The following ATP2C2 variants were observed in gnomAD, a reference collection of about 807,000 sequenced individuals.
ATP2C2 encodes the protein ATPase secretory pathway Ca2+ transporting 2, also known as calcium-transporting ATPase type 2C member 2.
ATP2C2 carries 171 observed loss-of-function variants against 110.8 expected under a neutral mutation model. The ratio of observed to expected loss-of-function variants is 1.54; its 90% CI spans 1.36 to 1.75. The LOEUF is 1.75. Among genes scored for constraint, ATP2C2 ranks in the 40% most tolerant of loss-of-function variants. The pLI, the probability that ATP2C2 is intolerant of heterozygous loss-of-function variation, is 0.00. For synonymous variants in ATP2C2, 804 were observed against 508.4 expected, an observed-to-expected ratio of 1.58 and a Z score of -7.82; for missense variants, 1,963 against 1,235.0, an observed-to-expected ratio of 1.59 and a Z score of -8.84.
chr16:84,433,822 A>G (rs1184100468), intron 11 of ATP2C2, among the ~76,000 whole-genome samples: 1 of 152,150 alleles, frequency 6.6e-6, no homozygotes, highest in Non-Finnish European at 1.5e-5. Context: ...TTCTGTGCTC[A>G]AGCCCCAAAT....
chr16:84,451,426 G>C (rs1335054747), intron 17 of ATP2C2, among the ~76,000 whole-genome samples: 1 of 152,220 alleles, frequency 6.6e-6, no homozygotes, highest in East Asian at 1.9e-4. Flanking sequence ...TTCTCCATCT[G>C]TTGTGCACCT....
At chr16:84,431,176 G>C (rs1018005658) in intron 11 of ATP2C2, among the ~76,000 whole-genome samples, 11 of 152,140 alleles carry the variant, frequency 7.2e-5, no homozygotes, top group African/African-American at 2.2e-4. Context: ...TGCTACAAAG[G>C]AATAACTGCC....
chr16:84,461,690 C>G, intron 24 of ATP2C2, 24 bp from the exon 25 acceptor site: 3 of 1,605,786 alleles, frequency 1.9e-6, no homozygotes, highest in African/African-American at 1.3e-5. Context: ...CGCCTAACCT[C>G]TCACCTTTGT....
intron 10 of ATP2C2, among the ~76,000 whole-genome samples, chr16:84,424,576 CTTT>C (rs371614449): frequency 5.6e-4 from 64 of 114,878 alleles, no homozygotes; most frequent in Non-Finnish European, 6.4e-4. Flanking sequence ...CCGCACTGGG[CTTT>C]TTTTTTTTTT....
At chr16:84,402,431 C>T (rs1468950423) in intron 2 of ATP2C2, among the ~76,000 whole-genome samples, 1 of 152,178 alleles carries the variant, frequency 6.6e-6, no homozygotes, top group East Asian at 1.9e-4. Context: ...ATGACACTAG[C>T]CCTGGGTCTG....
intron 7 of ATP2C2, among the ~76,000 whole-genome samples, chr16:84,419,163 G>A (rs1199563422): frequency 7.6e-6 from 1 of 131,500 alleles, no homozygotes; most frequent in African/African-American, 2.9e-5. Context: ...AGCCGAGATT[G>A]CACCACTGCA....
chr16:84,419,857 G>A (rs567260694), intron 7 of ATP2C2, among the ~76,000 whole-genome samples: 1 of 152,276 alleles, frequency 6.6e-6, no homozygotes, highest in South Asian at 2.1e-4. Context: ...ACTGCTAAGG[G>A]ACCCATGAGT....
intron 11 of ATP2C2, among the ~76,000 whole-genome samples, chr16:84,436,118 G>A (rs769106363): frequency 6.6e-6 from 1 of 152,220 alleles, no homozygotes; most frequent in African/African-American, 2.4e-5. Flanking sequence ...GACAGAGTGA[G>A]ACTCCATCTC....
chr16:84,368,819 C>T, intron 1 of ATP2C2, 105 bp downstream of exon 1: 1 of 946,142 alleles, frequency 1.1e-6, no homozygotes, highest in Non-Finnish European at 1.6e-6. Flanking sequence ...GATCCGCGAA[C>T]TCGCCCTCCT....
chr16:84,417,248 T>C (rs572384744), intron 7 of ATP2C2, among the ~76,000 whole-genome samples: 1 of 152,042 alleles, frequency 6.6e-6, no homozygotes, highest in Non-Finnish European at 1.5e-5. Context: ...GAGGCAGGTG[T>C]GGGGGCTGCC....
At chr16:84,402,220 G>C (rs186412352) in intron 2 of ATP2C2, among the ~76,000 whole-genome samples, 1 of 152,158 alleles carries the variant, frequency 6.6e-6, no homozygotes, top group African/African-American at 2.4e-5. Context: ...ATAGCTTTAG[G>C]TGGAGTCTTT....
chr16:84,459,404 G>C lies in ATP2C2; in HGVS notation c.2333+18G>C, dbSNP rs764900832. On this transcript the variant is annotated intron_variant, in intron 23 of 26. Transcript: ENST00000262429. ...GCGCAGAGGTGAGGCAGGGCCGGCT[G>C]GGAGCCCTGTGTCTCTTTACCCACC... The C allele has an allele frequency of 1.9e-6, 3 of 1,612,000 alleles. No homozygotes were observed. The highest frequency in any genetic ancestry group is 1.7e-6 in the Non-Finnish European group (2 of 1,178,142).
At chr16:84,388,070 G>A (rs778193604) in intron 1 of ATP2C2, among the ~76,000 whole-genome samples, 6 of 152,162 alleles carry the variant, frequency 3.9e-5, no homozygotes, top group Non-Finnish European at 7.3e-5. Flanking sequence ...AGTGGCTCAC[G>A]CCTGTCATCC....
intron 4 of ATP2C2, among the ~76,000 whole-genome samples, chr16:84,408,740 C>T (rs901379913): frequency 1.3e-5 from 2 of 152,076 alleles, no homozygotes; most frequent in African/African-American, 4.8e-5. Context: ...AGCAGTGTTG[C>T]AGGGAATTCC....
chr16:84,442,953 G>T (rs1909407954), intron 15 of ATP2C2, among the ~76,000 whole-genome samples: 1 of 152,116 alleles, frequency 6.6e-6, no homozygotes, highest in Admixed American at 6.5e-5. Flanking sequence ...CCACTGGGAG[G>T]GGCTGGTTCC....
chr16:84,415,540 C>T lies in ATP2C2; in HGVS notation c.573C>T (p.Val191=), dbSNP rs375031013. ...CTCGAGAACTGGTTCCTGGTGATGT[C>T]GTATCTCTCTCGATCGGAGACCGGA... The part of the protein sequence containing the change: ...LLARELVPGD[V]VSLSIGDRIP... The change falls in exon 7 of 27, where the codon GTC becomes GTT. Residue 191 remains valine (V), a synonymous_variant. Coordinates refer to ENST00000262429, the MANE Select transcript of ATP2C2 (RefSeq NM_014861.4). 19 of 1,614,030 alleles carry T rather than the reference C, an allele frequency of 1.2e-5. No homozygotes were observed. Among genetic ancestry groups the T allele is most frequent in the African/African-American group, 5.3e-5 (4 of 74,922 alleles).
chr16:84,424,246 T>G (rs1567714315), intron 10 of ATP2C2, among the ~76,000 whole-genome samples: 1 of 152,168 alleles, frequency 6.6e-6, no homozygotes, highest in Non-Finnish European at 1.5e-5. Flanking sequence ...TAAATTGACA[T>G]GTCCACAGCA....
rs371130467 is a variant in ATP2C2 at position 84,368,953 on chromosome 16, G to A, written c.99+239G>A. On this transcript the variant is annotated intron_variant, in intron 1 of 26. Transcript: ENST00000262429. ...TGTGGTTGAGAAACTGAGGCCGAGA[G>A]TGGTTAAGTATATTCCCTAAGGGGC... 2.6e-4 allele frequency among the ~76,000 whole-genome samples: 39 copies of A among 152,376 alleles called. No individual in the cohort carries two copies. In the South Asian group the frequency reaches 7.9e-3, roughly 31 times the overall value.
chr16:84,382,894 T>TAAAAAAAAA, intron 1 of ATP2C2, among the ~76,000 whole-genome samples: 1 of 91,752 alleles, frequency 1.1e-5, no homozygotes, highest in Non-Finnish European at 2.1e-5. Context: ...AGACTCCATC[T>TAAAAAAAAA]AAAAAAAAAA....
Sources: gnomAD v4.1 joint callset for allele counts (sites outside exome capture counted in the v4.1 genomes callset) on GRCh38, gnomAD v4.1.1 for gene constraint, MANE v1.5 for transcripts, NCBI Gene and HGNC (gene_info 2026-07-23, HGNC 2026-07-21) for gene names.